The following KCTD8 variants were observed in gnomAD, a reference collection of about 807,000 sequenced individuals.
The protein encoded by KCTD8 is potassium channel tetramerization domain containing 8, also known as BTB/POZ domain-containing protein KCTD8.
A neutral mutation model predicts 31.5 loss-of-function variants in KCTD8; 27 were observed. The ratio of observed to expected loss-of-function variants is 0.86; its 90% CI spans 0.63 to 1.18. KCTD8 has a LOEUF of 1.18. Among genes scored for constraint, KCTD8 ranks in the 50% most tolerant of loss-of-function variants. The pLI is 0.00. For missense variants in KCTD8, 658 were observed against 647.7 expected (o/e 1.02, Z -0.17); for synonymous variants, 290 against 280.0 (o/e 1.04, Z -0.36).
chr4:44,181,641 A>C (rs1577813862), intron 1 of KCTD8, among the ~76,000 whole-genome samples: 2 of 152,258 alleles, frequency 1.3e-5, no homozygotes, highest in South Asian at 4.1e-4. Flanking sequence ...CAAAGTGCCG[A>C]GATTGCAGCC....
At chr4:44,378,734 G>A in intron 1 of KCTD8, among the ~76,000 whole-genome samples, 1 of 152,050 alleles carries the variant, frequency 6.6e-6, no homozygotes, top group African/African-American at 2.4e-5. Context: ...TTTGGGGGTT[G>A]TATTAGTTTC....
At chr4:44,384,560 T>G (rs796197859) in intron 1 of KCTD8, among the ~76,000 whole-genome samples, 1 of 151,866 alleles carries the variant, frequency 6.6e-6, no homozygotes, top group African/African-American at 2.4e-5. Context: ...CTAATTCATA[T>G]GTGGAAGCTA....
In KCTD8 at chr4:44,430,313, G is replaced by C. The variant is rs1477993931; in HGVS notation, c.961+17250C>G. Among the ~76,000 whole-genome samples, 5 of 151,704 alleles carry C rather than the reference G, an allele frequency of 3.3e-5. No homozygotes were observed. The East Asian group carries it at 7.7e-4, about 23-fold the overall frequency. ...AAAGACAGAGGAGCAAGAGTGTTCA[G>C]GGTATTTCCAGGAGTGTCACTGCAG... On this transcript the variant is annotated intron_variant, in intron 1 of 1. Coordinates refer to ENST00000360029, the MANE Select transcript of KCTD8 (RefSeq NM_198353.3).
intron 1 of KCTD8, chr4:44,293,926 A>G (rs13145563): frequency 0.21 from 74,730 of 363,870 alleles, 7,917 homozygotes; most frequent in East Asian, 0.28. Context: ...CATTTGTTTA[A>G]CAATTTTCTT....
intron 1 of KCTD8, among the ~76,000 whole-genome samples, chr4:44,266,970 C>T (rs201080603): frequency 6.6e-6 from 1 of 152,048 alleles, no homozygotes; most frequent in Non-Finnish European, 1.5e-5. Flanking sequence ...CCACTGTCAA[C>T]ATTAGACAGA....
rs1210829549 is a variant in KCTD8, at chr4:44,215,899, A to C, written c.962-40649T>G. On this transcript the variant is annotated intron_variant, in intron 1 of 1. Coordinates refer to ENST00000360029, the MANE Select transcript of KCTD8 (RefSeq NM_198353.3). Reference sequence around the variant, plus strand: ...AGAAACAGGTACCCTGTGTGATGTCACATGTAATAAGAAGCTTTAAAAAGT... The same window carrying C: ...AGAAACAGGTACCCTGTGTGATGTCCCATGTAATAAGAAGCTTTAAAAAGT... Among the ~76,000 whole-genome samples the C allele has an allele frequency of 6.6e-5, 10 of 152,298 alleles. No individual in the cohort carries two copies. In the South Asian group the frequency reaches 1.7e-3, roughly 25 times the overall value.
At chr4:44,274,488 C>T (rs1716697253) in intron 1 of KCTD8, among the ~76,000 whole-genome samples, 1 of 151,862 alleles carries the variant, frequency 6.6e-6, no homozygotes, top group South Asian at 2.1e-4. Context: ...CCATGTCAGA[C>T]ATAAAGTGAA....
At chr4:44,289,256 A>T (rs1717197812) in intron 1 of KCTD8, among the ~76,000 whole-genome samples, 1 of 151,432 alleles carries the variant, frequency 6.6e-6, no homozygotes, top group Admixed American at 6.6e-5. Flanking sequence ...TACTATTAAT[A>T]TTATATAGAA....
At chr4:44,247,505 ATTTT>A (rs1715700457) in intron 1 of KCTD8, among the ~76,000 whole-genome samples, 1 of 151,770 alleles carries the variant, frequency 6.6e-6, no homozygotes, top group Non-Finnish European at 1.5e-5. Flanking sequence ...CCTGTTAACA[ATTTT>A]TTAAGTGCAC....
chr4:44,190,982 T>G (rs1043609251), intron 1 of KCTD8, among the ~76,000 whole-genome samples: 1 of 152,226 alleles, frequency 6.6e-6, no homozygotes, highest in Admixed American at 6.5e-5. Flanking sequence ...TTGTATTTGT[T>G]ATTGGAGAAC....
At chr4:44,179,494 T>G (rs1397434716) in intron 1 of KCTD8, among the ~76,000 whole-genome samples, 1 of 148,854 alleles carries the variant, frequency 6.7e-6, no homozygotes, top group African/African-American at 2.4e-5. Context: ...CATATATTCA[T>G]GTTATATATA....
chr4:44,410,253 G>T (rs909743261), intron 1 of KCTD8, among the ~76,000 whole-genome samples: 1 of 152,110 alleles, frequency 6.6e-6, no homozygotes, highest in Non-Finnish European at 1.5e-5. Context: ...TGGCCCGCTT[G>T]TTTGATGGAT....
At chr4:44,407,965 A>C (rs1041646216) in intron 1 of KCTD8, among the ~76,000 whole-genome samples, 10 of 152,074 alleles carry the variant, frequency 6.6e-5, no homozygotes, top group African/African-American at 2.4e-4. Context: ...CTTACTGCCT[A>C]TTGCATTTTC....
chr4:44,313,349 A>G lies in KCTD8; in HGVS notation c.961+134214T>C, dbSNP rs180936427. On this transcript the variant is annotated intron_variant, in intron 1 of 1. Transcript: ENST00000360029. ...GTTACAGCAGGTCGTAGTGAAGATA[A>G]TAGCCATATGGTCTTGTGGTCTGTC... is the stretch of plus-strand genomic sequence containing the variant. 5.4e-3 allele frequency among the ~76,000 whole-genome samples: 815 copies of G among 152,308 alleles called. 11 individuals carry two copies. The highest frequency in any genetic ancestry group is 0.018 in the African/African-American group (758 of 41,572).
chr4:44,337,463 C>A (rs1436453496), intron 1 of KCTD8, among the ~76,000 whole-genome samples: 1 of 151,918 alleles, frequency 6.6e-6, no homozygotes, highest in Non-Finnish European at 1.5e-5. Context: ...ATCATAAGGT[C>A]AGGAGTTCGA....
chr4:44,257,753 C>T (rs1019632861), intron 1 of KCTD8, among the ~76,000 whole-genome samples: 7 of 152,058 alleles, frequency 4.6e-5, no homozygotes, highest in East Asian at 1.9e-4. Flanking sequence ...GCAAGGCAGC[C>T]ATAGTTCAAC....
chr4:44,357,432 A>T (rs1295672412), intron 1 of KCTD8, among the ~76,000 whole-genome samples: 7 of 152,214 alleles, frequency 4.6e-5, no homozygotes, highest in Non-Finnish European at 1.0e-4. Flanking sequence ...AAGAGTAATT[A>T]TAGATAAAAC....
chr4:44,283,811 C>T (rs1002158318), intron 1 of KCTD8, among the ~76,000 whole-genome samples: 2 of 152,122 alleles, frequency 1.3e-5, no homozygotes, highest in Non-Finnish European at 2.9e-5. Context: ...GCAAAAATCA[C>T]AAGCATTCCT....
intron 1 of KCTD8, among the ~76,000 whole-genome samples, chr4:44,282,231 G>A (rs969776709): frequency 6.6e-6 from 1 of 151,892 alleles, no homozygotes; most frequent in Non-Finnish European, 1.5e-5. Flanking sequence ...TTGTGTCTCT[G>A]TGTCACATGT....
Sources: gnomAD v4.1 joint callset for allele counts (sites outside exome capture counted in the v4.1 genomes callset) on GRCh38, gnomAD v4.1.1 for gene constraint, MANE v1.5 for transcripts, NCBI Gene and HGNC (gene_info 2026-07-23, HGNC 2026-07-21) for gene names.